Variants in TBC1D22A observed in about 807,000 individuals in gnomAD.
TBC1D22A encodes TBC1 domain family member 22A.
In TBC1D22A, 38 loss-of-function variants were observed where a neutral mutation model predicts 60.2. That is an observed-to-expected ratio of 0.63 (90% CI 0.49 to 0.83). TBC1D22A has a LOEUF of 0.83. TBC1D22A is among the 40% of genes least tolerant of loss of function. The probability of loss-of-function intolerance (pLI) is 0.00; values close to 1 mark genes in which losing one functional copy is unlikely to be tolerated. For missense variants in TBC1D22A, 628 were observed against 701.0 expected (o/e 0.90, Z 1.18); for synonymous variants, 302 against 281.7 (o/e 1.07, Z -0.72).
intron 8 of TBC1D22A, among the ~76,000 whole-genome samples, chr22:46,946,154 T>C (rs1188437898): frequency 6.6e-6 from 1 of 152,180 alleles, no homozygotes; most frequent in Admixed American, 6.5e-5. Flanking sequence ...GTAGGTTCGT[T>C]TTCTCTTCCG....
intron 4 of TBC1D22A, among the ~76,000 whole-genome samples, chr22:46,829,699 T>C (rs546085263): frequency 4.6e-5 from 7 of 152,354 alleles, no homozygotes; most frequent in African/African-American, 1.7e-4. Context: ...TTCATCCCGA[T>C]GGGGCCAGCG....
chr22:47,039,858 A>G (rs900237670), intron 11 of TBC1D22A, among the ~76,000 whole-genome samples: 1 of 150,562 alleles, frequency 6.6e-6, no homozygotes, highest in African/African-American at 2.4e-5. Context: ...ACTTGCAATC[A>G]TGGCAGAAGG....
intron 11 of TBC1D22A, among the ~76,000 whole-genome samples, chr22:47,051,605 C>T: frequency 6.6e-6 from 1 of 152,134 alleles, no homozygotes; most frequent in Middle Eastern, 3.2e-3. Flanking sequence ...TTTTCAGGTC[C>T]CCTCAAGGGG....
At chr22:46,878,816 CG>C (rs2067703278) in intron 5 of TBC1D22A, 93 bp downstream of exon 5, 9 of 1,228,138 alleles carry the variant, frequency 7.3e-6, no homozygotes, top group Non-Finnish European at 9.5e-6. Flanking sequence ...CCACAGCCCA[CG>C]GGTTTGCCTT....
intron 4 of TBC1D22A, among the ~76,000 whole-genome samples, chr22:46,867,924 C>T (rs955725645): frequency 6.6e-6 from 1 of 152,238 alleles, no homozygotes; most frequent in African/African-American, 2.4e-5. Flanking sequence ...CCCTCAGCTG[C>T]TTCTGATGTT....
At chr22:47,062,040 A>T (rs1857970483) in intron 11 of TBC1D22A, among the ~76,000 whole-genome samples, 1 of 134,026 alleles carries the variant, frequency 7.5e-6, no homozygotes, top group Non-Finnish European at 1.5e-5. Flanking sequence ...GTGAGCCCAG[A>T]TCGCTCTGCT....
chr22:46,956,679 C>T (rs1044095478), intron 8 of TBC1D22A, among the ~76,000 whole-genome samples: 1 of 152,122 alleles, frequency 6.6e-6, no homozygotes, highest in African/African-American at 2.4e-5. Flanking sequence ...AGCCTGTGGG[C>T]CTGTGGTCCG....
At chr22:46,985,018 G>A (rs567717104) in intron 9 of TBC1D22A, among the ~76,000 whole-genome samples, 7 of 148,268 alleles carry the variant, frequency 4.7e-5, no homozygotes, top group Non-Finnish European at 9.2e-5. Context: ...AGGCAGTTGA[G>A]GGGGGAGCCT....
intron 7 of TBC1D22A, among the ~76,000 whole-genome samples, chr22:46,911,488 CGGTGGCCCGCGG>C (rs1204858087): frequency 6.6e-6 from 1 of 152,184 alleles, no homozygotes; most frequent in East Asian, 1.9e-4. Flanking sequence ...TGCTGCTGCA[CGGTGGCCCGCGG>C]GGTGTGGAGG....
intron 12 of TBC1D22A, among the ~76,000 whole-genome samples, chr22:47,143,154 C>G (rs1207819037): frequency 1.3e-5 from 2 of 152,170 alleles, no homozygotes; most frequent in African/African-American, 2.4e-5. Flanking sequence ...CCGTCTCTCT[C>G]TCTCCCAGAA....
At chr22:47,104,169 G>A (rs957463311) in intron 11 of TBC1D22A, among the ~76,000 whole-genome samples, 3 of 152,028 alleles carry the variant, frequency 2.0e-5, no homozygotes, top group African/African-American at 7.2e-5. Flanking sequence ...AGCTAGGTGT[G>A]GTGGTGTGTG....
At chr22:46,935,068 G>A (rs1241198667) in intron 8 of TBC1D22A, among the ~76,000 whole-genome samples, 2 of 152,184 alleles carry the variant, frequency 1.3e-5, no homozygotes, top group African/African-American at 2.4e-5. Flanking sequence ...TCATCATGCA[G>A]GTTTTCAGGG....
chr22:46,781,510 C>T (rs751285917), intron 1 of TBC1D22A, among the ~76,000 whole-genome samples: 4 of 152,246 alleles, frequency 2.6e-5, no homozygotes, highest in Middle Eastern at 3.4e-3. Flanking sequence ...TTACCTGCCT[C>T]GCCTGCCATG....
At chr22:46,845,148 G>GGA (rs1406152895) in intron 4 of TBC1D22A, among the ~76,000 whole-genome samples, 1 of 152,236 alleles carries the variant, frequency 6.6e-6, no homozygotes, top group African/African-American at 2.4e-5. Flanking sequence ...GATCCGTGGA[G>GGA]GAAAGAACGT....
intron 11 of TBC1D22A, 90 bp from the exon 12 acceptor site, chr22:47,111,418 A>T: frequency 8.4e-7 from 1 of 1,184,836 alleles, no homozygotes; most frequent in Non-Finnish European, 1.2e-6. Context: ...AACCCTGACT[A>T]GATAAACCCT....
chr22:47,129,261 G>A (rs1484453366), intron 12 of TBC1D22A, among the ~76,000 whole-genome samples: 6 of 152,230 alleles, frequency 3.9e-5, no homozygotes, highest in African/African-American at 7.2e-5. Context: ...GGCAGATCAC[G>A]AGGTCGAGAG....
chr22:46,863,603 C>T (rs917312767), intron 4 of TBC1D22A, among the ~76,000 whole-genome samples: 1 of 152,120 alleles, frequency 6.6e-6, no homozygotes, highest in Non-Finnish European at 1.5e-5. Context: ...TCTTGGTCAT[C>T]GTGCTTATCC....
chr22:47,048,494 A>T (rs564354867), intron 11 of TBC1D22A, among the ~76,000 whole-genome samples: 1 of 152,266 alleles, frequency 6.6e-6, no homozygotes, highest in South Asian at 2.1e-4. Context: ...CAGGCAGAGG[A>T]CAAGGAGTAA....
intron 11 of TBC1D22A, among the ~76,000 whole-genome samples, chr22:47,092,360 G>A: frequency 6.6e-6 from 1 of 152,168 alleles, no homozygotes; most frequent in Non-Finnish European, 1.5e-5. Context: ...AGAGGGACAG[G>A]ACTCACCATA....
Sources: gnomAD v4.1 joint callset for allele counts (sites outside exome capture counted in the v4.1 genomes callset) on GRCh38, gnomAD v4.1.1 for gene constraint, MANE v1.5 for transcripts, NCBI Gene and HGNC (gene_info 2026-07-23, HGNC 2026-07-21) for gene names.